SCFD1: variants seen among roughly 807,000 people sequenced by gnomAD.
The protein encoded by SCFD1 is sec1 family domain containing 1.
In SCFD1, 37 loss-of-function variants were observed where a neutral mutation model predicts 103.2. The observed-to-expected ratio is 0.36, with a 90% CI of 0.28 to 0.47. The LOEUF (loss-of-function observed/expected upper bound fraction) is 0.47, where lower values mean the gene tolerates loss of function less well. Among genes scored for constraint, SCFD1 ranks in the 20% least tolerant of loss-of-function variants. The pLI is 1.00. For missense variants in SCFD1, 639 were observed against 761.2 expected, an observed-to-expected ratio of 0.84 and a Z score of 1.89; for synonymous variants, 264 against 245.0, an observed-to-expected ratio of 1.08 and a Z score of -0.73.
chr14:30,622,647 T>G (rs972219833), intron 1 of SCFD1, among the ~76,000 whole-genome samples: 2 of 152,182 alleles, frequency 1.3e-5, no homozygotes, highest in Non-Finnish European at 2.9e-5. Context: ...GTCTCCTTCC[T>G]AGTGGGCATC....
intron 10 of SCFD1, among the ~76,000 whole-genome samples, chr14:30,669,414 A>T (rs1288075896): frequency 6.6e-6 from 1 of 152,112 alleles, no homozygotes; most frequent in African/African-American, 2.4e-5. Context: ...TTAAACCATA[A>T]AATGCTGCTA....
chr14:30,637,607 T>C (rs1566582456), intron 4 of SCFD1, among the ~76,000 whole-genome samples: 1 of 152,146 alleles, frequency 6.6e-6, no homozygotes, highest in Non-Finnish European at 1.5e-5. Context: ...TCGATATCTA[T>C]TTGCTAAAAG....
intron 17 of SCFD1, among the ~76,000 whole-genome samples, chr14:30,704,174 T>G (rs1167985240): frequency 6.6e-6 from 1 of 151,776 alleles, no homozygotes; most frequent in Non-Finnish European, 1.5e-5. Context: ...TGTTTATACA[T>G]ATGACAGATT....
intron 19 of SCFD1, among the ~76,000 whole-genome samples, chr14:30,709,420 A>G (rs1012440628): frequency 1.3e-5 from 2 of 152,080 alleles, no homozygotes; most frequent in Non-Finnish European, 2.9e-5. Flanking sequence ...TTTTGTAGAG[A>G]TGGGGTTTCA....
intron 10 of SCFD1, among the ~76,000 whole-genome samples, chr14:30,669,432 G>A (rs1888329304): frequency 6.6e-6 from 1 of 151,968 alleles, no homozygotes; most frequent in Non-Finnish European, 1.5e-5. Context: ...CTATTTGTGA[G>A]GGAACCCATA....
At chr14:30,728,390 T>C (rs1275535144) in intron 23 of SCFD1, among the ~76,000 whole-genome samples, 1 of 152,218 alleles carries the variant, frequency 6.6e-6, no homozygotes, top group Non-Finnish European at 1.5e-5. Context: ...TCAAATGATA[T>C]ATAAGTAGGA....
chr14:30,682,413 G>A (rs1431136987), intron 14 of SCFD1, among the ~76,000 whole-genome samples: 5 of 152,102 alleles, frequency 3.3e-5, no homozygotes, highest in Admixed American at 3.3e-4. Context: ...CAATTTTATG[G>A]TTCATCTTGA....
intron 19 of SCFD1, 121 bp downstream of exon 19, chr14:30,708,186 G>C (rs923329780): frequency 1.5e-6 from 1 of 672,070 alleles, no homozygotes; most frequent in South Asian, 1.8e-5. Flanking sequence ...ATAAAATCAA[G>C]GAGTTCCTTT....
At chr14:30,625,088 T>A (rs1004826760) in intron 1 of SCFD1, among the ~76,000 whole-genome samples, 1 of 152,174 alleles carries the variant, frequency 6.6e-6, no homozygotes, top group Non-Finnish European at 1.5e-5. Context: ...TACTTTTTTT[T>A]TATTTTATTT....
intron 14 of SCFD1, chr14:30,683,096 C>A: frequency 7.5e-7 from 1 of 1,332,224 alleles, no homozygotes; most frequent in Non-Finnish European, 1.1e-6. Context: ...GCAGATACTT[C>A]TTAAAAGCTG....
At chr14:30,632,984 A>G (rs1470090493) in intron 3 of SCFD1, among the ~76,000 whole-genome samples, 2 of 152,192 alleles carry the variant, frequency 1.3e-5, no homozygotes, top group African/African-American at 4.8e-5. Context: ...CTTTGCCTCC[A>G]ACCATTCTCC....
At chr14:30,665,875 G>A (rs1407275342) in intron 10 of SCFD1, among the ~76,000 whole-genome samples, 1 of 152,140 alleles carries the variant, frequency 6.6e-6, no homozygotes, top group African/African-American at 2.4e-5. Context: ...TAATACAGGA[G>A]CAAAACAAGA....
In SCFD1 at chr14:30,700,244, C is replaced by G; in HGVS notation, c.1396C>G (p.Gln466Glu). Residue 466 changes from glutamine to glutamate, a missense_variant, in exon 16 of 25, where the codon CAA becomes GAA. Coordinates refer to ENST00000458591, the MANE Select transcript of SCFD1 (RefSeq NM_016106.4). ...TCTTATCTATTATATAAGCACACAG[C>G]AAGCACCTTCTGAGGTATGTCCTTT... The part of the protein sequence containing the change: ...LFLIYYISTQ[Q>E]APSEADLEQY... 6.2e-7 allele frequency: 1 copy of G among 1,605,304 alleles called. No individual in the cohort carries two copies. The highest frequency in any genetic ancestry group is 2.2e-5 in the East Asian group (1 of 44,794).
At position 30,709,841 on chromosome 14, in the gene SCFD1, A is replaced by G. The variant is rs138958699; in HGVS notation, c.1629+1776A>G. Among the ~76,000 whole-genome samples the G allele has an allele frequency of 3.9e-5, 6 of 152,366 alleles. No individual in the cohort carries two copies. The East Asian group carries it at 9.6e-4, about 24-fold the overall frequency. On this transcript the variant is annotated intron_variant, in intron 19 of 24. Transcript: ENST00000458591. ...TCTACGGTAATGTCTGCCTTTTGCT[A>G]GATAGACTGGCTATTACATAACCAT...
At chr14:30,735,088 C>T (rs992273971) in intron 24 of SCFD1, 1 of 423,514 alleles carries the variant, frequency 2.4e-6, no homozygotes, top group Non-Finnish European at 4.2e-6. Context: ...TTTTCTTTGG[C>T]TTTTAATGAT....
At chr14:30,657,448 T>C (rs1221176499) in intron 10 of SCFD1, among the ~76,000 whole-genome samples, 1 of 152,212 alleles carries the variant, frequency 6.6e-6, no homozygotes, top group Non-Finnish European at 1.5e-5. Flanking sequence ...TACTGGCCTT[T>C]ATACAATTTT....
At chr14:30,652,983 TG>T (rs1469952114) in intron 9 of SCFD1, among the ~76,000 whole-genome samples, 1 of 151,942 alleles carries the variant, frequency 6.6e-6, no homozygotes, top group African/African-American at 2.4e-5. Flanking sequence ...CACTCCAACC[TG>T]GGTGACAGAG....
intron 1 of SCFD1, among the ~76,000 whole-genome samples, chr14:30,623,028 A>G (rs962222938): frequency 6.6e-6 from 1 of 152,194 alleles, no homozygotes; most frequent in African/African-American, 2.4e-5. Context: ...TATAGCTTCT[A>G]TTTATGCAGA....
At position 30,643,334 on chromosome 14, in the gene SCFD1, T is replaced by C. The variant is rs1885476146; in HGVS notation, c.542T>C (p.Ile181Thr). ...ATTTTAGCCATTAACAGGCCAGATA[T>C]CACAGACACGGAAATGGAAACTGTT... ...VSYRAINRPD[I>T]TDTEMETVMD... Residue 181 changes from isoleucine (I) to threonine (T), a missense_variant, in exon 7 of 25, where the codon ATC (isoleucine) becomes ACC (threonine). Physicochemically the swap from Ile to Thr is moderately conservative, Grantham distance 89. Transcript: ENST00000458591. 1 of 1,612,894 alleles carries C rather than the reference T, an allele frequency of 6.2e-7. No homozygotes were observed. The highest frequency in any genetic ancestry group is 8.5e-7 in the Non-Finnish European group (1 of 1,178,936).
Sources: allele counts gnomAD v4.1 joint callset (sites outside exome capture counted in the v4.1 genomes callset), GRCh38; gene constraint gnomAD v4.1.1; transcripts MANE v1.5; gene names NCBI Gene and HGNC (gene_info 2026-07-23, HGNC 2026-07-21).